Variants in ANKRD33B observed in about 807,000 individuals in gnomAD.
The protein encoded by ANKRD33B is ankyrin repeat domain-containing protein 33B.
A neutral mutation model predicts 21.5 loss-of-function variants in ANKRD33B; 6 were observed. The observed-to-expected ratio is 0.28, with a 90% CI of 0.15 to 0.55. The LOEUF (loss-of-function observed/expected upper bound fraction) is 0.55, where lower values mean the gene tolerates loss of function less well. Ranked by LOEUF, ANKRD33B falls within the 20% of genes least tolerant of loss-of-function variation. The pLI is 0.94. For missense variants in ANKRD33B, 698 were observed against 747.2 expected (o/e 0.93, Z 0.77); for synonymous variants, 347 against 342.4 (o/e 1.01, Z -0.15).
rs995229676 is a variant in ANKRD33B, at chr5:10,650,206, C to T, written c.*93C>T. On this transcript the variant is annotated 3_prime_UTR_variant, in exon 4 of 4. Transcript: ENST00000296657. Reference sequence around the variant, plus strand: ...AAGGAGGCGGCCCCGTTGCGCATCGCACCACTTCCGCTCCATGGACCACGG... The same window carrying T: ...AAGGAGGCGGCCCCGTTGCGCATCGTACCACTTCCGCTCCATGGACCACGG... 2 of 1,314,016 alleles carry T rather than the reference C, an allele frequency of 1.5e-6. No individual in the cohort carries two copies. The highest frequency in any genetic ancestry group is 3.1e-5 in the African/African-American group (2 of 63,712). The allele number at this position is 1,314,016 out of a possible 1,614,324, so 81.4% of individuals were successfully genotyped here.
chr5:10,569,753 G>A (rs2126543141), intron 1 of ANKRD33B, among the ~76,000 whole-genome samples: 1 of 152,348 alleles, frequency 6.6e-6, no homozygotes, highest in Middle Eastern at 3.4e-3. Flanking sequence ...GGAGGTCTCA[G>A]CTGAAATGGG....
At chr5:10,634,808 C>G (rs1429743236) in intron 2 of ANKRD33B, among the ~76,000 whole-genome samples, 1 of 148,548 alleles carries the variant, frequency 6.7e-6, no homozygotes, top group Non-Finnish European at 1.5e-5. Flanking sequence ...GCAAGGAAGG[C>G]TGTGTGTCTC....
intron 1 of ANKRD33B, among the ~76,000 whole-genome samples, chr5:10,569,603 A>AATAAATAC (rs1735131753): frequency 6.6e-6 from 1 of 151,462 alleles, no homozygotes; most frequent in African/African-American, 2.4e-5. Context: ...TTTGAAAATA[A>AATAAATAC]ATAAATAAAT....
chr5:10,589,929 C>T (rs1039941048), intron 1 of ANKRD33B, among the ~76,000 whole-genome samples: 1 of 149,642 alleles, frequency 6.7e-6, no homozygotes, highest in South Asian at 2.1e-4. Flanking sequence ...GTATGTTATG[C>T]TTTTCTTCCT....
intron 1 of ANKRD33B, among the ~76,000 whole-genome samples, chr5:10,590,054 T>A (rs1735647924): frequency 6.6e-6 from 1 of 152,196 alleles, no homozygotes; most frequent in South Asian, 2.1e-4. Context: ...TTTACATTCT[T>A]AATTTCAATT....
At chr5:10,634,345 G>A (rs926801165) in intron 2 of ANKRD33B, among the ~76,000 whole-genome samples, 13 of 118,374 alleles carry the variant, frequency 1.1e-4, no homozygotes, top group Non-Finnish European at 2.0e-4. Flanking sequence ...TTGGTGGAGA[G>A]GGGGTGTTCT....
intron 2 of ANKRD33B, chr5:10,628,190 GT>G: frequency 1.3e-5 from 2 of 152,204 alleles, no homozygotes; most frequent in African/African-American, 2.4e-5. Context: ...TTTATTGCCT[GT>G]TTTTTTTAGA....
rs1560985329 is a variant in ANKRD33B, at chr5:10,639,874, AG to A, written c.637+1708del. ...TGACGCGGCGTTGCGCGGCGATGTTAGGCGGTGACGTGGAGTTGTGCGGCGA... is the reference window on the plus strand; with the variant it reads ...TGACGCGGCGTTGCGCGGCGATGTTAGCGGTGACGTGGAGTTGTGCGGCGA... On this transcript the variant is annotated intron_variant, in intron 3 of 3. Coordinates refer to ENST00000296657, the MANE Select transcript of ANKRD33B (RefSeq NM_001164440.2). Among the ~76,000 whole-genome samples, 2 of 22,938 alleles carry A rather than the reference AG, an allele frequency of 8.7e-5. 1 individual carries two copies. The highest frequency in any genetic ancestry group is 1.7e-3 in the Admixed American group (2 of 1,172). The allele number at this position is 22,938 out of a possible 152,430, so 15.0% of individuals were successfully genotyped here. A position where few individuals can be genotyped will look rare whatever the true frequency, so the allele number is the denominator to read the frequency against.
chr5:10,595,906 G>A lies in ANKRD33B; in HGVS notation c.367-22427G>A, dbSNP rs144793220. On this transcript the variant is annotated intron_variant, in intron 1 of 3. Transcript: ENST00000296657. ...ATGGCCTGAAAACAGAGAGGGAGAA[G>A]GCTGAGTGTACCAGGGCAGGGGAAG... 5.9e-3 allele frequency among the ~76,000 whole-genome samples: 897 copies of A among 152,302 alleles called. 7 individuals are homozygous for A. Among genetic ancestry groups the A allele is most frequent in the African/African-American group, 0.02 (851 of 41,550 alleles).
intron 3 of ANKRD33B, among the ~76,000 whole-genome samples, chr5:10,648,777 A>G (rs1737246989): frequency 6.6e-6 from 1 of 151,782 alleles, no homozygotes; most frequent in African/African-American, 2.4e-5. Context: ...AAAATTCTGT[A>G]ATTTAGGTGC....
At chr5:10,578,779 A>C (rs1735377335) in intron 1 of ANKRD33B, among the ~76,000 whole-genome samples, 1 of 152,186 alleles carries the variant, frequency 6.6e-6, no homozygotes, top group East Asian at 1.9e-4. Flanking sequence ...ATATTGAGTT[A>C]ATTTTGAAAA....
chr5:10,644,955 G>T (rs931734195), intron 3 of ANKRD33B, among the ~76,000 whole-genome samples: 15 of 152,186 alleles, frequency 9.9e-5, no homozygotes, highest in African/African-American at 3.4e-4. Context: ...CTTGTGGGCA[G>T]CTGGGACTCA....
At chr5:10,595,254 AT>A (rs202222337) in intron 1 of ANKRD33B, among the ~76,000 whole-genome samples, 2 of 151,886 alleles carry the variant, frequency 1.3e-5, no homozygotes, top group African/African-American at 4.8e-5. Flanking sequence ...TTGGCAGTGG[AT>A]TTTTTTCTGA....
Position 10,654,240 on chromosome 5 carries a change from C to G in ANKRD33B, c.*4127C>G, listed in dbSNP as rs1268943938. On this transcript the variant is annotated 3_prime_UTR_variant, in exon 4 of 4. Transcript: ENST00000296657. The stretch of plus-strand genomic sequence containing the variant: ...GCTTAGAATTCCTACACGGCTGTGC[C>G]TCTCCCACCCCGTCCTCTTTGCTCG... The G allele has an allele frequency of 2.0e-5, 3 of 152,418 alleles. No homozygotes were observed. The highest frequency in any genetic ancestry group is 7.2e-5 in the African/African-American group (3 of 41,446). The allele number at this position is 152,418 out of a possible 1,614,324, so 9.4% of individuals were successfully genotyped here.
At chr5:10,605,248 A>G (rs930444863) in intron 1 of ANKRD33B, among the ~76,000 whole-genome samples, 1 of 152,224 alleles carries the variant, frequency 6.6e-6, no homozygotes, top group Non-Finnish European at 1.5e-5. Context: ...CTTGGAAGGC[A>G]CACACCATTA....
chr5:10,626,571 G>A (rs1020428998), intron 2 of ANKRD33B, among the ~76,000 whole-genome samples: 5 of 152,302 alleles, frequency 3.3e-5, no homozygotes, highest in East Asian at 1.9e-4. Context: ...ATCTGCGGGC[G>A]ATGTTGCAGG....
At position 10,576,015 on chromosome 5, in the gene ANKRD33B, G is replaced by A. The variant is rs1735314563; in HGVS notation, c.366+11182G>A. Among the ~76,000 whole-genome samples, 3 of 152,156 alleles carry A rather than the reference G, an allele frequency of 2.0e-5. No individual in the cohort carries two copies. The highest frequency in any genetic ancestry group is 6.5e-5 in the Admixed American group (1 of 15,292). On this transcript the variant is annotated intron_variant, in intron 1 of 3. Coordinates refer to ENST00000296657, the MANE Select transcript of ANKRD33B (RefSeq NM_001164440.2). This position sits in a 1 kb window ranked among gnomAD's most constrained non-coding sequence, Gnocchi z 4.1. ...CACACACACGATTGTGTGCATACAG[G>A]TGCAATCTGAATAAGCTGCATGGAT... is the stretch of plus-strand genomic sequence containing the variant.
chr5:10,635,321 A>AT (rs1365862845), intron 2 of ANKRD33B, among the ~76,000 whole-genome samples: 1 of 152,212 alleles, frequency 6.6e-6, no homozygotes, highest in African/African-American at 2.4e-5. Flanking sequence ...ACCATAAACC[A>AT]AACTGAGATC....
At chr5:10,599,335 T>C (rs1422713791) in intron 1 of ANKRD33B, among the ~76,000 whole-genome samples, 1 of 152,224 alleles carries the variant, frequency 6.6e-6, no homozygotes, top group African/African-American at 2.4e-5. Flanking sequence ...TATTAATTTT[T>C]AAAATTGTGG....
Sources: allele counts gnomAD v4.1 joint callset (sites outside exome capture counted in the v4.1 genomes callset), GRCh38; gene constraint gnomAD v4.1.1; non-coding constraint Gnocchi (gnomAD v3.1); transcripts MANE v1.5; gene names NCBI Gene and HGNC (gene_info 2026-07-23, HGNC 2026-07-21).